Variants in SOX5 observed in about 807,000 individuals in gnomAD.
SOX5 encodes SRY-box transcription factor 5.
A neutral mutation model predicts 92.0 loss-of-function variants in SOX5; 9 were observed. The ratio of observed to expected loss-of-function variants is 0.10; its 90% CI spans 0.06 to 0.17. SOX5 has a LOEUF of 0.17. SOX5 is among the 10% of genes least tolerant of loss of function. The pLI, the probability that SOX5 is intolerant of heterozygous loss-of-function variation, is 1.00. For missense variants in SOX5, 642 were observed against 944.5 expected, an observed-to-expected ratio of 0.68 and a Z score of 4.20; for synonymous variants, 344 against 336.3, an observed-to-expected ratio of 1.02 and a Z score of -0.25.
At chr12:24,355,138 T>C (rs533838039) in intron 2 of SOX5, among the ~76,000 whole-genome samples, 1 of 152,048 alleles carries the variant, frequency 6.6e-6, no homozygotes, top group Non-Finnish European at 1.5e-5. Context: ...TAAATGAAAA[T>C]GTCAGAAATC....
chr12:23,551,232 C>G (rs766614600), intron 11 of SOX5, among the ~76,000 whole-genome samples: 1 of 151,804 alleles, frequency 6.6e-6, no homozygotes, highest in Non-Finnish European at 1.5e-5. Flanking sequence ...AACAAAAAAC[C>G]CTCCAATTAT....
At position 23,546,928 on chromosome 12, in the gene SOX5, G is replaced by A. The variant is rs922311088; in HGVS notation, c.1489-504C>T. ...TTCCTCATGCAAGGGTAATGAAGAC[G>A]TTTAAATATTCATTGCTAATTGCTT... On this transcript the variant is annotated intron_variant, in intron 11 of 14. Coordinates refer to ENST00000451604, the MANE Select transcript of SOX5 (RefSeq NM_006940.6). Among the ~76,000 whole-genome samples the A allele has an allele frequency of 5.9e-5, 9 of 152,190 alleles. No individual in the cohort carries two copies. In the South Asian group the frequency reaches 8.3e-4, roughly 14 times the overall value.
chr12:23,650,814 A>G (rs1324745286), intron 7 of SOX5, among the ~76,000 whole-genome samples: 1 of 152,144 alleles, frequency 6.6e-6, no homozygotes, highest in African/African-American at 2.4e-5. Flanking sequence ...TAAGTCACTG[A>G]AAGGTTTTAA....
At chr12:23,964,612 G>T (rs563729437) in intron 4 of SOX5, among the ~76,000 whole-genome samples, 33 of 152,184 alleles carry the variant, frequency 2.2e-4, no homozygotes, top group African/African-American at 7.5e-4. Context: ...GCACAACAAT[G>T]GATGCTTCTT....
At chr12:23,740,818 G>A (rs777466057) in intron 5 of SOX5, 49 bp downstream of exon 5, 1 of 1,503,016 alleles carries the variant, frequency 6.7e-7, no homozygotes, top group Non-Finnish European at 9.1e-7. Flanking sequence ...ATAAGTAGCA[G>A]GCAAAGTAAT....
At chr12:23,847,672 G>C (rs541124392) in intron 2 of SOX5, among the ~76,000 whole-genome samples, 1 of 145,610 alleles carries the variant, frequency 6.9e-6, no homozygotes, top group Non-Finnish European at 1.5e-5. Context: ...TGGGGAAGGC[G>C]AAAAAAAAAA....
chr12:24,355,295 T>TAA (rs1166739542), intron 2 of SOX5, among the ~76,000 whole-genome samples: 1 of 17,642 alleles, frequency 5.7e-5, no homozygotes, highest in Non-Finnish European at 1.5e-4. Flanking sequence ...TTTTTTTTTT[T>TAA]TTTTTTTTTT....
At chr12:23,705,223 C>T (rs982246342) in intron 6 of SOX5, among the ~76,000 whole-genome samples, 6 of 151,972 alleles carry the variant, frequency 3.9e-5, no homozygotes, top group African/African-American at 1.4e-4. Context: ...TTTTTCACCC[C>T]TTTTAAAGGA....
At chr12:23,828,357 T>C (rs761993375) in intron 3 of SOX5, among the ~76,000 whole-genome samples, 2 of 152,220 alleles carry the variant, frequency 1.3e-5, no homozygotes, top group East Asian at 1.9e-4. Context: ...TGTATGTGTA[T>C]AAAATTCAGA....
At chr12:24,091,679 T>A (rs1030633058) in intron 4 of SOX5, among the ~76,000 whole-genome samples, 1 of 152,074 alleles carries the variant, frequency 6.6e-6, no homozygotes, top group African/African-American at 2.4e-5. Context: ...ACGGCAGAAA[T>A]GACTTACTAG....
intron 4 of SOX5, among the ~76,000 whole-genome samples, chr12:24,070,801 G>C (rs1009274225): frequency 2.0e-5 from 3 of 152,168 alleles, no homozygotes; most frequent in African/African-American, 7.2e-5. Context: ...ATCCGTTTAT[G>C]TAATCATCCT....
At chr12:24,522,741 C>A (rs74326249) in intron 1 of SOX5, among the ~76,000 whole-genome samples, 8,437 of 152,062 alleles carry the variant, frequency 0.055, 306 homozygotes, top group Non-Finnish European at 0.08. Flanking sequence ...CAACTGTCAA[C>A]AAACTAGGAA....
intron 4 of SOX5, among the ~76,000 whole-genome samples, chr12:23,989,713 A>G (rs1950381786): frequency 2.0e-5 from 3 of 152,250 alleles, no homozygotes; most frequent in South Asian, 4.1e-4. Context: ...TGTTCTCAAC[A>G]GTGTAAGGAT....
chr12:23,609,980 G>A (rs2075758926), intron 8 of SOX5, among the ~76,000 whole-genome samples: 1 of 151,986 alleles, frequency 6.6e-6, no homozygotes, highest in Non-Finnish European at 1.5e-5. Flanking sequence ...CATCTCTAAT[G>A]GCCCACTATG....
chr12:23,633,571 A>T lies in SOX5; in HGVS notation c.1017+7241T>A, dbSNP rs552714587. On this transcript the variant is annotated intron_variant, in intron 8 of 14. Coordinates refer to ENST00000451604, the MANE Select transcript of SOX5 (RefSeq NM_006940.6). ...TAAATAAGTAAATATCTAAATCATC[A>T]TTGGCTCTTGGAGGTAAAAAAGAGT... Among the ~76,000 whole-genome samples the T allele has an allele frequency of 2.6e-4, 40 of 152,168 alleles. No individual in the cohort carries two copies. The South Asian group carries it at 8.3e-3, about 32-fold the overall frequency.
intron 3 of SOX5, among the ~76,000 whole-genome samples, chr12:24,258,807 C>T (rs1941643943): frequency 6.6e-6 from 1 of 152,164 alleles, no homozygotes; most frequent in Non-Finnish European, 1.5e-5. Flanking sequence ...ACTTTATATA[C>T]ATTAATTCAT....
intron 1 of SOX5, among the ~76,000 whole-genome samples, chr12:24,517,826 G>A (rs1374408531): frequency 6.6e-6 from 1 of 151,404 alleles, no homozygotes; most frequent in Non-Finnish European, 1.5e-5. Flanking sequence ...GAATTCAAAA[G>A]TTATTAACAA....
At chr12:24,432,265 G>A (rs1487988002) in intron 1 of SOX5, among the ~76,000 whole-genome samples, 1 of 152,132 alleles carries the variant, frequency 6.6e-6, no homozygotes, top group Admixed American at 6.6e-5. Context: ...ATCTCACTGT[G>A]CTTCACATCC....
chr12:24,299,492 T>A (rs1947708207), intron 2 of SOX5, among the ~76,000 whole-genome samples: 1 of 152,162 alleles, frequency 6.6e-6, no homozygotes, highest in South Asian at 2.1e-4. Flanking sequence ...CCTCAGAGAT[T>A]ATAACCTATC....
Sources: allele counts gnomAD v4.1 joint callset (sites outside exome capture counted in the v4.1 genomes callset), GRCh38; gene constraint gnomAD v4.1.1; transcripts MANE v1.5; gene names NCBI Gene and HGNC (gene_info 2026-07-23, HGNC 2026-07-21).